The following SLC71A1 variants were observed in gnomAD, a reference collection of about 807,000 sequenced individuals.
SLC71A1 encodes the protein solute carrier family 71 member 1.
chr1:100,067,915 T>A, the SLC71A1 span: 2 of 1,213,488 alleles, frequency 1.6e-6, no homozygotes, highest in Non-Finnish European at 2.4e-6. Flanking sequence ...ATGAAAGGAG[T>A]TATGTGGTGT....
the SLC71A1 span, among the ~76,000 whole-genome samples, chr1:100,050,329 G>A: frequency 1.4e-4 from 22 of 152,248 alleles, no homozygotes; most frequent in African/African-American, 5.1e-4. Flanking sequence ...GCATGACTCG[G>A]CATAATTACT....
the SLC71A1 span, among the ~76,000 whole-genome samples, chr1:100,071,289 CAAAAAAAAAAAA>C: frequency 1.3e-3 from 71 of 53,388 alleles, no homozygotes; most frequent in South Asian, 4.1e-3. Context: ...CCATCTCTAC[CAAAAAAAAAAAA>C]AAAAAAAAAA....
the SLC71A1 span, among the ~76,000 whole-genome samples, chr1:100,050,754 G>A: frequency 2.6e-5 from 4 of 152,046 alleles, no homozygotes; most frequent in Admixed American, 2.6e-4. Context: ...CATATTTCTT[G>A]ATATATTTAT....
the SLC71A1 span, among the ~76,000 whole-genome samples, chr1:100,049,679 G>A: frequency 6.6e-6 from 1 of 152,082 alleles, no homozygotes; most frequent in East Asian, 1.9e-4. Flanking sequence ...AGCTCCCTTG[G>A]ACTCTGTATG....
At chr1:100,068,144 G>A in the SLC71A1 span, 2 of 1,614,128 alleles carry the variant, frequency 1.2e-6, no homozygotes, top group Non-Finnish European at 8.5e-7. Flanking sequence ...AGAAAATGCG[G>A]CCAGCATCCT....
the SLC71A1 span, among the ~76,000 whole-genome samples, chr1:100,050,454 C>T: frequency 6.6e-6 from 1 of 152,126 alleles, no homozygotes; most frequent in Non-Finnish European, 1.5e-5. Context: ...CAAATTCTCC[C>T]AGGTTTGAAA....
At chr1:100,050,000 T>A in the SLC71A1 span, 1 of 1,531,116 alleles carries the variant, frequency 6.5e-7, no homozygotes, top group Non-Finnish European at 9.0e-7. Context: ...GCACCCACCT[T>A]GGTGGTAAGT....
chr1:100,059,949 G>A, the SLC71A1 span: 4 of 1,612,988 alleles, frequency 2.5e-6, no homozygotes, highest in South Asian at 1.1e-5. Context: ...AATCCTTCTT[G>A]CTGCTAACGG....
chr1:100,061,958 G>T, the SLC71A1 span: 1 of 1,457,346 alleles, frequency 6.9e-7, no homozygotes, highest in Non-Finnish European at 9.6e-7. Flanking sequence ...TGGTATGTAT[G>T]TTTATTCTAT....
At chr1:100,045,545 T>C in the SLC71A1 span, among the ~76,000 whole-genome samples, 3 of 152,178 alleles carry the variant, frequency 2.0e-5, no homozygotes, top group East Asian at 5.8e-4. Context: ...TTACTATGGG[T>C]ACAAAGTAGA....
At chr1:100,080,800 T>C in the SLC71A1 span, 1 of 733,404 alleles carries the variant, frequency 1.4e-6, no homozygotes, top group East Asian at 2.6e-5. Context: ...TAAGGGACTG[T>C]GTTCTTCTAC....
At chr1:100,075,771 T>C in the SLC71A1 span, among the ~76,000 whole-genome samples, 1 of 152,130 alleles carries the variant, frequency 6.6e-6, no homozygotes, top group Admixed American at 6.5e-5. Context: ...CTCGACCTCC[T>C]GGGCTCGAGT....
chr1:100,071,289 C>CAAAAAAA, the SLC71A1 span, among the ~76,000 whole-genome samples: 129 of 53,374 alleles, frequency 2.4e-3, no homozygotes, highest in African/African-American at 4.7e-3. Context: ...CCATCTCTAC[C>CAAAAAAA]AAAAAAAAAA....
the SLC71A1 span, among the ~76,000 whole-genome samples, chr1:100,038,738 TC>T: frequency 2.6e-5 from 4 of 152,206 alleles, no homozygotes; most frequent in African/African-American, 7.2e-5. Context: ...CTGGGAACCA[TC>T]CCTGCTCTCC....
chr1:100,045,012 G>A, the SLC71A1 span, among the ~76,000 whole-genome samples: 1 of 152,008 alleles, frequency 6.6e-6, no homozygotes, highest in Admixed American at 6.6e-5. Context: ...ATGAATTTTA[G>A]GATTGTTTTT....
chr1:100,078,062 T>G, the SLC71A1 span, among the ~76,000 whole-genome samples: 1 of 152,256 alleles, frequency 6.6e-6, no homozygotes, highest in Non-Finnish European at 1.5e-5. Flanking sequence ...CAGCGATATC[T>G]TCACAAATCC....
the SLC71A1 span, among the ~76,000 whole-genome samples, chr1:100,076,466 G>C: frequency 0.033 from 5,031 of 152,280 alleles, 305 homozygotes; most frequent in African/African-American, 0.11. Context: ...ATTAACCGCT[G>C]ATTATTGCCA....
the SLC71A1 span, among the ~76,000 whole-genome samples, chr1:100,042,727 C>T: frequency 1.3e-5 from 2 of 152,084 alleles, no homozygotes; most frequent in African/African-American, 4.8e-5. Context: ...CCTACCTTAG[C>T]CTCCTGAATA....
chr1:100,041,740 A>T, the SLC71A1 span, among the ~76,000 whole-genome samples: 1 of 152,184 alleles, frequency 6.6e-6, no homozygotes. Flanking sequence ...CCTGGCCAAC[A>T]TGGTGAAACC....
Sources: allele counts gnomAD v4.1 joint callset (sites outside exome capture counted in the v4.1 genomes callset), GRCh38; gene constraint gnomAD v4.1.1; transcripts MANE v1.5; gene names NCBI Gene and HGNC (gene_info 2026-07-23, HGNC 2026-07-21).